The following MROH1 variants were observed in gnomAD, a reference collection of about 807,000 sequenced individuals.
MROH1 encodes the protein maestro heat-like repeat-containing protein family member 1.
A neutral mutation model predicts 116.5 loss-of-function variants in MROH1; 117 were observed. The ratio of observed to expected loss-of-function variants is 1.00; its 90% CI spans 0.86 to 1.17. The LOEUF (loss-of-function observed/expected upper bound fraction) is 1.17, where lower values mean the gene tolerates loss of function less well. MROH1 is among the 50% of genes most tolerant of loss of function. MROH1 has a pLI of 0.00. For missense variants in MROH1, 1,873 were observed against 1,338.5 expected, an observed-to-expected ratio of 1.40 and a Z score of -6.23; for synonymous variants, 921 against 583.9, an observed-to-expected ratio of 1.58 and a Z score of -8.32.
Position 144,180,367 on chromosome 8 carries a change from A to G in MROH1, c.463+27A>G, listed in dbSNP as rs764116254. 1.9e-6 allele frequency: 3 copies of G among 1,608,448 alleles called. No homozygotes were observed. Among genetic ancestry groups the G allele is most frequent in the Non-Finnish European group, 2.5e-6 (3 of 1,178,616 alleles). On this transcript the variant is annotated intron_variant, in intron 6 of 43. Transcript: ENST00000326134. The surrounding 1 kb of genome is among the most constrained non-coding windows in gnomAD (Gnocchi z 7.4). ...TAGGTGACGCGCGGCCTGCCCCAGG[A>G]GGAGCACGGGGCGCTGGAAGCCTTG...
At chr8:144,246,046 CCCCT>C (rs1223503427) in intron 29 of MROH1, among the ~76,000 whole-genome samples, 5 of 110,320 alleles carry the variant, frequency 4.5e-5, no homozygotes, top group African/African-American at 1.1e-4. Context: ...CTCCCTTCCT[CCCCT>C]CCCTCCCTCC....
intron 39 of MROH1, 124 bp from the exon 40 acceptor site, chr8:144,260,553 C>T: frequency 1.3e-6 from 1 of 757,002 alleles, no homozygotes; most frequent in Non-Finnish European, 2.4e-6. Flanking sequence ...CCGTAAGGCC[C>T]CCACCCGTCG....
chr8:144,157,643 AGG>A, intron 1 of MROH1, among the ~76,000 whole-genome samples: 1 of 149,810 alleles, frequency 6.7e-6, no homozygotes. Flanking sequence ...GTGTCTTTTA[AGG>A]GATTTGCCTA....
In MROH1 at chr8:144,260,000, C is replaced by T. The variant is rs1554834832; in HGVS notation, c.4134C>T (p.Ser1378=). 10 of 732,210 alleles carry T rather than the reference C, an allele frequency of 1.4e-5. No individual in the cohort carries two copies. Among genetic ancestry groups the T allele is most frequent in the Non-Finnish European group, 1.3e-5 (5 of 397,526 alleles). The allele number at this position is 732,210 out of a possible 1,614,324, so 45.4% of individuals were successfully genotyped here. The change falls in exon 38 of 44, where the codon AGC becomes AGT. Residue 1378 remains serine, a synonymous_variant. Coordinates refer to ENST00000326134, the MANE Select transcript of MROH1 (RefSeq NM_032450.3). The part of the protein sequence containing the change: ...LAARQKDTCA[S]VRRLVLRGLA... ...CTCGCCAGAAGGACACATGCGCCAG[C>T]GTGCGGAGGCTGGTGCTCCGCGGCC...
chr8:144,240,616 G>T lies in MROH1; in HGVS notation c.1874G>T (p.Cys625Phe). The change falls in exon 20 of 44, where the codon TGC becomes TTC. Residue 625 changes from cysteine (C) to phenylalanine (F), a missense_variant. Transcript: ENST00000326134. ...ATCATTTCTGACAACGCGTGGATCT[G>T]CCAGCTGAGCCTGGAGCTGTGCAGG... is the stretch of plus-strand genomic sequence containing the variant. ...LAIISDNAWI[C>F]QLSLELCRQL... 1.4e-6 allele frequency: 1 copy of T among 717,558 alleles called. No homozygotes were observed. The highest frequency in any genetic ancestry group is 1.5e-5 in the South Asian group (1 of 67,568). The allele number at this position is 717,558 out of a possible 1,614,324, so 44.4% of individuals were successfully genotyped here. A position where few individuals can be genotyped will look rare whatever the true frequency, so the allele number is the denominator to read the frequency against.
At position 144,248,307 on chromosome 8, in the gene MROH1, G is replaced by A. The variant is rs1054021034; in HGVS notation, c.3121-570G>A. ...TATTAAAGTATTGCATTACGGGGGG[G>A]AAAAAAAGAGTCCTTCCAAGGGGAT... On this transcript the variant is annotated intron_variant, in intron 31 of 43. Transcript: ENST00000326134. 1.1e-4 allele frequency among the ~76,000 whole-genome samples: 17 copies of A among 152,062 alleles called. 1 individual carries two copies. The highest frequency in any genetic ancestry group is 9.8e-4 in the Admixed American group (15 of 15,270).
In MROH1 at chr8:144,180,871, C is replaced by T. The variant is rs192842077; in HGVS notation, c.562+348C>T. ...GAAAAGTGTCCGCTCTCTGGGCATC[C>T]CAGGACCCAGGGGATGGGGGCACAT... On this transcript the variant is annotated intron_variant, in intron 7 of 43. Transcript: ENST00000326134. This position sits in a 1 kb window ranked among gnomAD's most constrained non-coding sequence, Gnocchi z 7.4. 4.5e-3 allele frequency among the ~76,000 whole-genome samples: 679 copies of T among 152,260 alleles called. 7 individuals carry two copies. Among genetic ancestry groups the T allele is most frequent in the Middle Eastern group, 0.01 (3 of 294 alleles).
chr8:144,213,112 T>C (rs1260938902), intron 12 of MROH1: 2 of 774,070 alleles, frequency 2.6e-6, no homozygotes, highest in Non-Finnish European at 4.8e-6. Flanking sequence ...CGCCCGCGTC[T>C]GTTGCTTGAG....
intron 13 of MROH1, 30 bp from the exon 14 acceptor site, chr8:144,223,078 T>A: frequency 6.2e-7 from 1 of 1,612,724 alleles, no homozygotes; most frequent in East Asian, 2.2e-5. Flanking sequence ...CTGCGTCCCC[T>A]TCCTGATCTC....
In MROH1 at chr8:144,187,104, AAAAAAC is replaced by A. The variant is rs1181584473; in HGVS notation, c.563-3675_563-3670del. Among the ~76,000 whole-genome samples the A allele has an allele frequency of 3.7e-4, 56 of 150,468 alleles. 1 individual carries two copies. Among genetic ancestry groups the A allele is most frequent in the African/African-American group, 1.3e-3 (53 of 40,894 alleles). ...CAGAGTGAGACTGTCTCCAAAAAAA[AAAAAAC>A]AAAACAAAACAAAACTCAGGCCGGG... On this transcript the variant is annotated intron_variant, in intron 7 of 43. Transcript: ENST00000326134.
intron 7 of MROH1, among the ~76,000 whole-genome samples, chr8:144,183,346 A>T (rs1418315671): frequency 6.7e-6 from 1 of 149,338 alleles, no homozygotes; most frequent in Admixed American, 6.7e-5. Flanking sequence ...AAGCTACTGA[A>T]CTCCAGCCTG....
At position 144,261,712 on chromosome 8, in the gene MROH1, C is replaced by T; in HGVS notation, c.4898C>T (p.Ala1633Val). ...GAGGTGCGGACGAGGGCTGCTGAGG[C>T]CCTGGGCCGCCTGGTGAAGCTCGCC... ...APEVRTRAAE[A>V]LGRLVKLA Residue 1633 changes from alanine (A) to valine (V), a missense_variant, in exon 44 of 44, where the codon GCC becomes GTC. Ala to Val is a moderately conservative substitution (Grantham distance 64). Coordinates refer to ENST00000326134, the MANE Select transcript of MROH1 (RefSeq NM_032450.3). 1.4e-6 allele frequency: 1 copy of T among 722,656 alleles called. No individual in the cohort carries two copies. Among genetic ancestry groups the T allele is most frequent in the Non-Finnish European group, 2.5e-6 (1 of 397,010 alleles). 44.8% of individuals were successfully genotyped at this position (722,656 alleles called of 1,614,324 possible). A position where few individuals can be genotyped will look rare whatever the true frequency, so the allele number is the denominator to read the frequency against.
At chr8:144,245,977 T>C (rs1841817393) in intron 29 of MROH1, among the ~76,000 whole-genome samples, 5 of 152,060 alleles carry the variant, frequency 3.3e-5, no homozygotes. Flanking sequence ...CACCTGGCCT[T>C]TTGTTAATGC....
In MROH1 at chr8:144,256,884, C is replaced by T. The variant is rs973180685; in HGVS notation, c.3791+1179C>T. On this transcript the variant is annotated intron_variant, in intron 35 of 43. Coordinates refer to ENST00000326134, the MANE Select transcript of MROH1 (RefSeq NM_032450.3). ...CCTGCGCCATTTGCAGCCTGGAGCG[C>T]AGCCCCTGGTCCAGATGGGGCCTTG... Among the ~76,000 whole-genome samples the T allele has an allele frequency of 5.6e-4, 85 of 152,384 alleles. 2 individuals are homozygous for T. Among genetic ancestry groups the T allele is most frequent in the Middle Eastern group, 6.8e-3 (2 of 294 alleles).
intron 31 of MROH1, among the ~76,000 whole-genome samples, chr8:144,248,213 G>A (rs1254022000): frequency 2.6e-5 from 4 of 152,200 alleles, no homozygotes; most frequent in Non-Finnish European, 4.4e-5. Context: ...CCTGGGCACC[G>A]CGTCCCCTCC....
Position 144,192,317 on chromosome 8 carries a change from C to G in MROH1, c.864C>G (p.Gly288=). Residue 288 remains glycine (G), a synonymous_variant, in exon 10 of 44, where the codon GGC becomes GGG. Transcript: ENST00000326134. ...CTCCCTACCCGGAGCAGAGCCTGGG[C>G]CAGATCCTCGAGGCAGCTGTGAGTG... ...AETFYLSKSL[G]QILEAAVSVG... 6.3e-7 allele frequency: 1 copy of G among 1,594,310 alleles called. No homozygotes were observed. Among genetic ancestry groups the G allele is most frequent in the Non-Finnish European group, 8.5e-7 (1 of 1,173,134 alleles).
Position 144,258,860 on chromosome 8 carries a change from G to C in MROH1, c.3875G>C (p.Trp1292Ser), listed in dbSNP as rs1388520202. 1 of 769,754 alleles carries C rather than the reference G, an allele frequency of 1.3e-6. No individual in the cohort carries two copies. Among genetic ancestry groups the C allele is most frequent in the African/African-American group, 1.7e-5 (1 of 58,934 alleles). 47.7% of individuals were successfully genotyped at this position (769,754 alleles called of 1,614,324 possible). ...VVQRMDLEGG[W>S]ELLRTSAGHE... ...CAGCGCATGGACCTGGAGGGAGGCT[G>C]GGAACTGCTCAGGACCTCGGCGGGG... Residue 1292 changes from tryptophan to serine, a missense_variant, in exon 36 of 44, where the codon TGG (tryptophan) becomes TCG (serine). Trp to Ser is a radical substitution (Grantham distance 177). Coordinates refer to ENST00000326134, the MANE Select transcript of MROH1 (RefSeq NM_032450.3).
intron 29 of MROH1, among the ~76,000 whole-genome samples, chr8:144,246,972 C>T (rs932726446): frequency 6.6e-6 from 1 of 152,258 alleles, no homozygotes; most frequent in African/African-American, 2.4e-5. Flanking sequence ...GGGGCCCCCT[C>T]CTCACCCCAG....
intron 22 of MROH1, among the ~76,000 whole-genome samples, chr8:144,242,021 G>A (rs1263785191): frequency 1.3e-5 from 2 of 152,258 alleles, no homozygotes; most frequent in African/African-American, 2.4e-5. Context: ...GATCTGCAGC[G>A]AGCAAGGGTG....
Sources: allele counts gnomAD v4.1 joint callset (sites outside exome capture counted in the v4.1 genomes callset), GRCh38; gene constraint gnomAD v4.1.1; non-coding constraint Gnocchi (gnomAD v3.1); transcripts MANE v1.5; gene names NCBI Gene and HGNC (gene_info 2026-07-23, HGNC 2026-07-21).